ITGA6: variants seen among roughly 807,000 people sequenced by gnomAD.
The protein encoded by ITGA6 is integrin subunit alpha 6.
A neutral mutation model predicts 133.6 loss-of-function variants in ITGA6; 63 were observed. The observed-to-expected ratio is 0.47, with a 90% CI of 0.38 to 0.58. The LOEUF is 0.58. ITGA6 is among the 20% of genes least tolerant of loss of function. The probability of loss-of-function intolerance (pLI) is 0.00; values close to 1 mark genes in which losing one functional copy is unlikely to be tolerated. For missense variants in ITGA6, 1,068 were observed against 1,309.4 expected (o/e 0.82, Z 2.85); for synonymous variants, 434 against 482.0 (o/e 0.90, Z 1.30).
intron 4 of ITGA6, 31 bp from the exon 5 acceptor site, chr2:172,470,943 T>G (rs1559137210): frequency 2.5e-6 from 4 of 1,610,598 alleles, no homozygotes; most frequent in Non-Finnish European, 2.5e-6. Context: ...ATCTTCATTT[T>G]TTTGTTGTTT....
intron 19 of ITGA6, 56 bp from the exon 20 acceptor site, chr2:172,489,429 A>G: frequency 7.4e-7 from 1 of 1,351,184 alleles, no homozygotes; most frequent in Non-Finnish European, 1.1e-6. Flanking sequence ...AGGAGCTGCT[A>G]CTTAAATTTA....
Position 172,498,037 on chromosome 2 carries a change from C to T in ITGA6, c.3051C>T (p.Ile1017=). The T allele has an allele frequency of 6.2e-7, 1 of 1,613,340 alleles. No homozygotes were observed. Among genetic ancestry groups the T allele is most frequent in the Non-Finnish European group, 8.5e-7 (1 of 1,179,304 alleles). The change falls in exon 24 of 26, where the codon ATC becomes ATT. Residue 1017 remains isoleucine, a synonymous_variant. Transcript: ENST00000684293. ...VAQYSGVPWW[I]ILVAILAGIL... is the part of the protein sequence containing the mutation. ...AGTATTCGGGAGTACCTTGGTGGATCATCCTAGTGGCTATTCTCGCTGGGA... is the reference window on the plus strand; with the variant it reads ...AGTATTCGGGAGTACCTTGGTGGATTATCCTAGTGGCTATTCTCGCTGGGA...
intron 15 of ITGA6, 31 bp downstream of exon 15, chr2:172,487,484 G>GA (rs770321071): frequency 6.2e-7 from 1 of 1,611,050 alleles, no homozygotes; most frequent in Non-Finnish European, 8.5e-7. Flanking sequence ...GCTGAGAGGG[G>GA]AAAAAAATCA....
At chr2:172,440,799 C>T (rs1040684979) in intron 1 of ITGA6, among the ~76,000 whole-genome samples, 1 of 152,130 alleles carries the variant, frequency 6.6e-6, no homozygotes, top group Non-Finnish European at 1.5e-5. Context: ...AATAAAATGC[C>T]TGGCTATATT....
Position 172,465,570 on chromosome 2 carries a change from C to T in ITGA6, c.214C>T (p.Leu72Phe). ...LLVGAPRAEA[L>F]PLQRANRTGG... ...CGTGGGGGCCCCGCGGGCAGAAGCG[C>T]TTCCACTGCAGAGAGCCAACAGAAC... The change falls in exon 2 of 26, where the codon CTT becomes TTT. Residue 72 changes from leucine to phenylalanine, a missense_variant. Around this residue, in one of 3 missense-constraint regions of ITGA6, gnomAD observed 142 missense variants for 145.3 expected, o/e 0.98. Coordinates refer to ENST00000684293, the MANE Select transcript of ITGA6 (RefSeq NM_000210.4). 1 of 1,614,256 alleles carries T rather than the reference C, an allele frequency of 6.2e-7. No homozygotes were observed. The highest frequency in any genetic ancestry group is 8.5e-7 in the Non-Finnish European group (1 of 1,180,046).
At chr2:172,446,300 G>C (rs114388464) in intron 1 of ITGA6, among the ~76,000 whole-genome samples, 4,296 of 152,246 alleles carry the variant, frequency 0.028, 86 homozygotes, top group Middle Eastern at 0.068. Context: ...ATTGAAAAAT[G>C]ATGGAATTTA....
At chr2:172,431,738 C>T (rs1684112711) in intron 1 of ITGA6, among the ~76,000 whole-genome samples, 1 of 152,172 alleles carries the variant, frequency 6.6e-6, no homozygotes, top group Non-Finnish European at 1.5e-5. Flanking sequence ...CCAAAACGGG[C>T]AGCGAGACTT....
chr2:172,465,270 C>G (rs1443830164), intron 1 of ITGA6: 1 of 527,422 alleles, frequency 1.9e-6, no homozygotes. Flanking sequence ...CCAGATCATA[C>G]CCAGCAAGAA....
intron 3 of ITGA6, among the ~76,000 whole-genome samples, chr2:172,467,965 GAA>G (rs1685755978): frequency 2.4e-5 from 2 of 84,588 alleles, no homozygotes; most frequent in Non-Finnish European, 3.9e-5. Flanking sequence ...GAAAAAAAAA[GAA>G]GAAGTAATCA....
rs534058593 is a variant in ITGA6, at chr2:172,433,067, C to A, written c.182+5097C>A. Among the ~76,000 whole-genome samples, 7 of 152,300 alleles carry A rather than the reference C, an allele frequency of 4.6e-5. 1 individual carries two copies. In the East Asian group the frequency reaches 1.2e-3, roughly 25 times the overall value. The stretch of plus-strand genomic sequence containing the variant: ...GCATGGGATCTGGGGATCTGTGTAG[C>A]ACCCCCGCTGGCTCCTGGGAGGATG... On this transcript the variant is annotated intron_variant, in intron 1 of 25. Transcript: ENST00000684293.
At position 172,473,919 on chromosome 2, in the gene ITGA6, A is replaced by G. The variant is rs1559139290; in HGVS notation, c.776-136A>G. The G allele has an allele frequency of 1.7e-5, 11 of 632,100 alleles. No homozygotes were observed. In the East Asian group the frequency reaches 2.7e-4, roughly 16 times the overall value. The allele number at this position is 632,100 out of a possible 1,614,324, so 39.2% of individuals were successfully genotyped here. ...CTGAACTCTGTCACTCATATTACGA[A>G]TGTGATAGCTGGTGGGAGGGTCAAG... On this transcript the variant is annotated intron_variant, in intron 5 of 25. Coordinates refer to ENST00000684293, the MANE Select transcript of ITGA6 (RefSeq NM_000210.4).
chr2:172,473,172 G>T (rs1191086306), intron 5 of ITGA6, among the ~76,000 whole-genome samples: 1 of 152,190 alleles, frequency 6.6e-6, no homozygotes, highest in Non-Finnish European at 1.5e-5. Flanking sequence ...AATAAAGGGG[G>T]TGAGCTTATA....
At chr2:172,473,004 C>T (rs941750086) in intron 5 of ITGA6, 4 of 677,294 alleles carry the variant, frequency 5.9e-6, no homozygotes, top group Non-Finnish European at 1.1e-5. Flanking sequence ...TCCATTGAAG[C>T]ACACACAAAA....
intron 1 of ITGA6, among the ~76,000 whole-genome samples, chr2:172,453,739 A>G (rs1021594555): frequency 2.0e-5 from 3 of 152,202 alleles, no homozygotes; most frequent in Admixed American, 2.0e-4. Flanking sequence ...GAAATGGTTT[A>G]AGGTTTCTCA....
intron 24 of ITGA6, among the ~76,000 whole-genome samples, chr2:172,500,332 G>T (rs996807344): frequency 6.6e-6 from 1 of 152,158 alleles, no homozygotes; most frequent in African/African-American, 2.4e-5. Flanking sequence ...AATGTTGCTG[G>T]CTGGGCGCGG....
intron 11 of ITGA6, among the ~76,000 whole-genome samples, chr2:172,482,133 G>C (rs1448424561): frequency 6.6e-6 from 1 of 152,134 alleles, no homozygotes; most frequent in East Asian, 1.9e-4. Flanking sequence ...ATAAAATACA[G>C]ACTTTCTCCT....
chr2:172,468,164 AGCTTT>A (rs1232304224), intron 3 of ITGA6, among the ~76,000 whole-genome samples: 2 of 152,226 alleles, frequency 1.3e-5, no homozygotes, highest in African/African-American at 4.8e-5. Context: ...GGAATTTTAT[AGCTTT>A]ATAGATAAGT....
At position 172,484,862 on chromosome 2, in the gene ITGA6, T is replaced by G; in HGVS notation, c.1630T>G (p.Ser544Ala). 1 of 1,614,132 alleles carries G rather than the reference T, an allele frequency of 6.2e-7. No individual in the cohort carries two copies. Among genetic ancestry groups the G allele is most frequent in the East Asian group, 2.2e-5 (1 of 44,880 alleles). ...SSRVQFRNQG[S>A]EPKYTQELTL... ...AAGAGTTCAGTTTCGAAACCAAGGT[T>G]CTGAGCCCAAATATACTCAAGAACT... The change falls in exon 12 of 26, where the codon TCT (serine) becomes GCT (alanine). Residue 544 changes from serine (S) to alanine (A), a missense_variant. Physicochemically the swap from Ser to Ala is moderately conservative, Grantham distance 99. This residue lies in a region of ITGA6 where 609 missense variants were observed against 707.2 expected (regional missense o/e 0.86). Transcript: ENST00000684293.
intron 1 of ITGA6, among the ~76,000 whole-genome samples, chr2:172,429,844 G>C (rs971332760): frequency 1.3e-5 from 2 of 152,190 alleles, no homozygotes; most frequent in Admixed American, 1.3e-4. Flanking sequence ...GTCACGTGCT[G>C]CCCACCTCCA....
Sources: allele counts gnomAD v4.1 joint callset (sites outside exome capture counted in the v4.1 genomes callset), GRCh38; gene constraint gnomAD v4.1.1; regional missense constraint gnomAD v4.1.1; transcripts MANE v1.5; gene names NCBI Gene and HGNC (gene_info 2026-07-23, HGNC 2026-07-21).